PRKCQ: variants seen among roughly 807,000 people sequenced by gnomAD.
PRKCQ encodes protein kinase C theta.
In PRKCQ, 41 loss-of-function variants were observed where a neutral mutation model predicts 91.2. The ratio of observed to expected loss-of-function variants is 0.45; its 90% CI spans 0.35 to 0.58. The LOEUF (loss-of-function observed/expected upper bound fraction) is 0.58, where lower values mean the gene tolerates loss of function less well. Among genes scored for constraint, PRKCQ ranks in the 20% least tolerant of loss-of-function variants. PRKCQ has a pLI of 0.00. For missense variants in PRKCQ, 673 were observed against 896.5 expected (o/e 0.75, Z 3.18); for synonymous variants, 307 against 316.9 (o/e 0.97, Z 0.33).
chr10:6,455,880 T>C (rs1834974622), intron 15 of PRKCQ, among the ~76,000 whole-genome samples: 1 of 152,118 alleles, frequency 6.6e-6, no homozygotes, highest in Admixed American at 6.6e-5. Flanking sequence ...GAAATGAAAA[T>C]TTTTAAAAAG....
chr10:6,486,772 G>A (rs759594458), intron 8 of PRKCQ, among the ~76,000 whole-genome samples: 106 of 152,340 alleles, frequency 7.0e-4, no homozygotes, highest in Non-Finnish European at 1.1e-3. Flanking sequence ...CTCCAGTCTG[G>A]GTCCAAAACA....
intron 8 of PRKCQ, 98 bp from the exon 9 acceptor site, chr10:6,486,242 G>A: frequency 2.0e-6 from 2 of 1,006,006 alleles, no homozygotes; most frequent in East Asian, 2.6e-5. Context: ...GGATAGGGAG[G>A]AAAGCCTAAA....
At chr10:6,482,813 G>A (rs1355297737) in intron 11 of PRKCQ, among the ~76,000 whole-genome samples, 4 of 152,182 alleles carry the variant, frequency 2.6e-5, no homozygotes, top group South Asian at 2.1e-4. Flanking sequence ...GAGAGGGCAT[G>A]TGTAGGGAAA....
chr10:6,574,466 C>T (rs1841153981), intron 1 of PRKCQ, among the ~76,000 whole-genome samples: 1 of 152,198 alleles, frequency 6.6e-6, no homozygotes, highest in Non-Finnish European at 1.5e-5. Context: ...TAATAACGTG[C>T]TCTTTCACTC....
chr10:6,405,181 C>T, the PRKCQ span, among the ~76,000 whole-genome samples: 1 of 152,140 alleles, frequency 6.6e-6, no homozygotes, highest in Non-Finnish European at 1.5e-5. Flanking sequence ...CAGGGTTTCA[C>T]CATGTTGGCC....
At chr10:6,435,497 T>C (rs1833656750) in intron 16 of PRKCQ, among the ~76,000 whole-genome samples, 1 of 152,204 alleles carries the variant, frequency 6.6e-6, no homozygotes, top group Non-Finnish European at 1.5e-5. Flanking sequence ...TAATGGAAAT[T>C]AATTTTATCA....
intron 3 of PRKCQ, 71 bp downstream of exon 3, chr10:6,510,924 G>A (rs1323871747): frequency 1.9e-6 from 3 of 1,566,080 alleles, no homozygotes; most frequent in Non-Finnish European, 2.6e-6. Context: ...AGATTGACAT[G>A]GGAGTTCTGA....
chr10:6,466,587 C>T (rs1588703244), intron 12 of PRKCQ, among the ~76,000 whole-genome samples: 1 of 152,324 alleles, frequency 6.6e-6, no homozygotes, highest in East Asian at 1.9e-4. Context: ...AATGTATGCA[C>T]ATACAAACTA....
chr10:6,476,742 T>C (rs1326107170), intron 12 of PRKCQ, among the ~76,000 whole-genome samples: 1 of 152,228 alleles, frequency 6.6e-6, no homozygotes, highest in African/African-American at 2.4e-5. Context: ...AGAAAAAATG[T>C]GTTTAGCAGT....
At chr10:6,580,052 T>C (rs1204909377) in intron 1 of PRKCQ, among the ~76,000 whole-genome samples, 159 bp downstream of exon 1, 2 of 152,082 alleles carry the variant, frequency 1.3e-5, no homozygotes, top group African/African-American at 4.8e-5. Context: ...GGTGCGCTCT[T>C]GCGCCCGCTT....
At chr10:6,457,390 T>C (rs1165140064) in intron 14 of PRKCQ, among the ~76,000 whole-genome samples, 1 of 152,224 alleles carries the variant, frequency 6.6e-6, no homozygotes, top group Non-Finnish European at 1.5e-5. Context: ...TTTGCTTCCA[T>C]GTGATGTCAC....
At position 6,568,282 on chromosome 10, in the gene PRKCQ, AT is replaced by A. The variant is rs1427755144; in HGVS notation, c.-10+11928del. On this transcript the variant is annotated intron_variant, in intron 1 of 17. Coordinates refer to ENST00000263125, the MANE Select transcript of PRKCQ (RefSeq NM_006257.5). The stretch of plus-strand genomic sequence containing the variant: ...AATCCCCCCAAAACTAACAAAAAAA[AT>A]TATGATTTTGTTTTGAAGAAGACTT... Among the ~76,000 whole-genome samples, 38 of 152,126 alleles carry A rather than the reference AT, an allele frequency of 2.5e-4. 2 individuals are homozygous for A. The highest frequency in any genetic ancestry group is 2.5e-3 in the Admixed American group (38 of 15,278).
intron 16 of PRKCQ, among the ~76,000 whole-genome samples, chr10:6,440,235 A>G (rs1037596577): frequency 2.0e-5 from 3 of 152,222 alleles, no homozygotes; most frequent in Non-Finnish European, 4.4e-5. Flanking sequence ...ATGTCCTTAC[A>G]GCAGCATGAG....
intron 1 of PRKCQ, among the ~76,000 whole-genome samples, chr10:6,532,361 G>A (rs1385681147): frequency 6.6e-6 from 1 of 152,188 alleles, no homozygotes; most frequent in Non-Finnish European, 1.5e-5. Flanking sequence ...TACATAGTTG[G>A]CAAATGTCAA....
rs1383281841 is a variant in PRKCQ, at chr10:6,511,056, G to A, written c.257C>T (p.Thr86Ile). ...CTCAGCCAGCGAGTAGAGCTCCACGGTGGTTTCAGAGATGAGGTCCACGTT... is the reference window on the plus strand; with the variant it reads ...CTCAGCCAGCGAGTAGAGCTCCACGATGGTTTCAGAGATGAGGTCCACGTT... Reference protein sequence around the residue: ...GKNVDLISETTVELYSLAERC... With the variant: ...GKNVDLISETIVELYSLAERC... Residue 86 changes from threonine (T) to isoleucine (I), a missense_variant, in exon 3 of 18, where the codon ACC becomes ATC. Physicochemically the swap from Thr to Ile is moderately conservative, Grantham distance 89. Transcript: ENST00000263125. The A allele has an allele frequency of 6.2e-7, 1 of 1,614,136 alleles. No homozygotes were observed. The highest frequency in any genetic ancestry group is 8.5e-7 in the Non-Finnish European group (1 of 1,180,016).
intron 17 of PRKCQ, 52 bp from the exon 18 acceptor site, chr10:6,428,414 G>A (rs760874081): frequency 1.0e-5 from 16 of 1,577,102 alleles, no homozygotes; most frequent in Non-Finnish European, 1.4e-5. Context: ...CAGCCATTAA[G>A]TTCATGATCT....
At chr10:6,521,747 T>G (rs1395334738) in intron 1 of PRKCQ, among the ~76,000 whole-genome samples, 2 of 152,122 alleles carry the variant, frequency 1.3e-5, no homozygotes, top group Non-Finnish European at 2.9e-5. Flanking sequence ...CACAAAACCC[T>G]CCATCTATCT....
At chr10:6,436,947 G>A (rs1833726650) in intron 16 of PRKCQ, among the ~76,000 whole-genome samples, 1 of 152,166 alleles carries the variant, frequency 6.6e-6, no homozygotes, top group African/African-American at 2.4e-5. Context: ...AAGGTAGGCT[G>A]GGTTTGTGAA....
chr10:6,470,740 C>A (rs978807436), intron 12 of PRKCQ, among the ~76,000 whole-genome samples: 3 of 151,948 alleles, frequency 2.0e-5, no homozygotes, highest in African/African-American at 7.3e-5. Context: ...CACTAGAGGT[C>A]AGGAGTTCAA....
Sources: allele counts gnomAD v4.1 joint callset (sites outside exome capture counted in the v4.1 genomes callset), GRCh38; gene constraint gnomAD v4.1.1; transcripts MANE v1.5; gene names NCBI Gene and HGNC (gene_info 2026-07-23, HGNC 2026-07-21).